The following ADAMTS7 variants were observed in gnomAD, a reference collection of about 807,000 sequenced individuals.
The protein encoded by ADAMTS7 is ADAM metallopeptidase with thrombospondin type 1 motif 7, also known as A disintegrin and metalloproteinase with thrombospondin motifs 7.
ADAMTS7 carries 89 observed loss-of-function variants against 172.6 expected under a neutral mutation model. The ratio of observed to expected loss-of-function variants is 0.52; its 90% CI spans 0.43 to 0.61. ADAMTS7 has a LOEUF of 0.61. ADAMTS7 is among the 20% of genes least tolerant of loss of function. The pLI is 0.00. For synonymous variants in ADAMTS7, 885 were observed against 978.4 expected (o/e 0.90, Z 1.78); for missense variants, 1,973 against 2,355.6 (o/e 0.84, Z 3.36).
intron 8 of ADAMTS7, among the ~76,000 whole-genome samples, chr15:78,787,358 A>AC (rs1471141148): frequency 9.3e-4 from 141 of 151,174 alleles, no homozygotes; most frequent in African/African-American, 3.2e-3. Context: ...AAAAAAAAAA[A>AC]ACAAAAAAAC....
In ADAMTS7 at chr15:78,766,092, C is replaced by T. The variant is rs2055141865; in HGVS notation, c.3819G>A (p.Glu1273=). 3 of 1,610,808 alleles carry T rather than the reference C, an allele frequency of 1.9e-6. No homozygotes were observed. Among genetic ancestry groups the T allele is most frequent in the Non-Finnish European group, 2.5e-6 (3 of 1,180,008 alleles). The change falls in exon 19 of 24, where the codon GAG becomes GAA. Residue 1273 remains glutamate, a synonymous_variant. Transcript: ENST00000388820. ...CACTGTCCACAGGCCCCAGGCCACC[C>T]TCCAGAGCTGGCTCCCAGGCCACTG... ...GGTVAWEPAL[E]GGLGPVDSEL...
At chr15:78,763,558 A>T in intron 22 of ADAMTS7, 141 bp downstream of exon 22, 1 of 1,165,414 alleles carries the variant, frequency 8.6e-7, no homozygotes, top group Non-Finnish European at 1.1e-6. Context: ...TGTGAGCACC[A>T]GCCGGGCGGG....
At chr15:78,788,182 C>T (rs780551271) in intron 8 of ADAMTS7, 49 bp downstream of exon 8, 5 of 1,607,268 alleles carry the variant, frequency 3.1e-6, no homozygotes, top group Non-Finnish European at 3.4e-6. Context: ...TCCCAGTAGA[C>T]CTTGACCTCA....
intron 4 of ADAMTS7, among the ~76,000 whole-genome samples, chr15:78,792,189 C>A (rs1262993153): frequency 6.6e-6 from 1 of 152,162 alleles, no homozygotes; most frequent in Non-Finnish European, 1.5e-5. Flanking sequence ...GGAAGATAAA[C>A]AGCGATATCA....
intron 1 of ADAMTS7, among the ~76,000 whole-genome samples, chr15:78,807,242 T>C (rs2055809368): frequency 6.6e-6 from 1 of 152,128 alleles, no homozygotes. Flanking sequence ...CTCAAATGCA[T>C]GTGGTTGGGG....
chr15:78,783,604 A>AT (rs1398169445), intron 8 of ADAMTS7, among the ~76,000 whole-genome samples: 1 of 152,168 alleles, frequency 6.6e-6, no homozygotes, highest in African/African-American at 2.4e-5. Context: ...TGAAACAAAT[A>AT]TTTTTTTAAA....
At chr15:78,768,385 G>A in intron 16 of ADAMTS7, 126 bp from the exon 17 acceptor site, 1 of 1,376,884 alleles carries the variant, frequency 7.3e-7, no homozygotes, top group Non-Finnish European at 1.0e-6. Context: ...ATGCCTTACT[G>A]CCCATGTCAG....
At position 78,766,659 on chromosome 15, in the gene ADAMTS7, G is replaced by A. The variant is rs78079545; in HGVS notation, c.3252C>T (p.Pro1084=). ...EDLSYGPSEE[P]DLDLAGTGDR... is the part of the protein sequence containing the mutation. ...CCCCTGTCCCCGCCAGGTCTAGATC[G>A]GGCTCCTCAGAGGGCCCGTAGGACA... The change falls in exon 19 of 24, where the codon CCC becomes CCT. Residue 1084 remains proline, a synonymous_variant. Coordinates refer to ENST00000388820, the MANE Select transcript of ADAMTS7 (RefSeq NM_014272.5). 5,095 of 1,606,568 alleles carry A rather than the reference G, an allele frequency of 3.2e-3. 13 individuals are homozygous for A. Among genetic ancestry groups the A allele is most frequent in the East Asian group, 4.6e-3 (208 of 44,836 alleles).
chr15:78,810,814 A>G, intron 1 of ADAMTS7: 1 of 265,672 alleles, frequency 3.8e-6, no homozygotes, highest in Non-Finnish European at 7.1e-6. Context: ...CCCGGGAGCC[A>G]GGCGCGTTGC....
rs11854507 is a variant in ADAMTS7, at chr15:78,776,779, A to C, written c.1530T>G (p.Ala510=). 1.9e-6 allele frequency: 3 copies of C among 1,549,516 alleles called. No individual in the cohort carries two copies. In the Admixed American group the frequency reaches 5.9e-5, roughly 30 times the overall value. The part of the protein sequence containing the change: ...GTTCHSKLDA[A]VDGTRCGENK... ...TCTCCCCACACCGGGTGCCGTCCAC[A>C]GCTGCATCCAGCTTGGAGTGACAGG... The change falls in exon 10 of 24, where the codon GCT becomes GCG. Residue 510 remains alanine, a synonymous_variant. Coordinates refer to ENST00000388820, the MANE Select transcript of ADAMTS7 (RefSeq NM_014272.5).
chr15:78,788,870 A>G (rs568897430), intron 7 of ADAMTS7, among the ~76,000 whole-genome samples: 4 of 152,326 alleles, frequency 2.6e-5, no homozygotes, highest in African/African-American at 9.6e-5. Flanking sequence ...AGCATCTACT[A>G]TGTGCCAGGG....
chr15:78,767,356 G>A (rs749937218), intron 18 of ADAMTS7, 23 bp downstream of exon 18: 2 of 1,610,204 alleles, frequency 1.2e-6, no homozygotes, highest in Non-Finnish European at 1.7e-6. Context: ...CTGGAGGCGG[G>A]CCCCTTCCCA....
chr15:78,809,325 T>A (rs961684021), intron 1 of ADAMTS7, among the ~76,000 whole-genome samples: 1 of 151,920 alleles, frequency 6.6e-6, no homozygotes, highest in Non-Finnish European at 1.5e-5. Flanking sequence ...TCAAAGAAAA[T>A]GACAAACAGG....
chr15:78,800,219 C>T lies in ADAMTS7; in HGVS notation c.429G>A (p.Leu143=). ...EVQDPELEGG[L]AAISACDGLK... is the part of the protein sequence containing the mutation. ...GGCCGTCGCAGGCGCTGATGGCCGC[C>T]AGGCCACCCTCGAGCTCAGGGTCCT... The change falls in exon 2 of 24, where the codon CTG becomes CTA. Residue 143 remains leucine (L), a synonymous_variant. Transcript: ENST00000388820. The T allele has an allele frequency of 6.3e-7, 1 of 1,594,580 alleles. No individual in the cohort carries two copies. Among genetic ancestry groups the T allele is most frequent in the Non-Finnish European group, 8.5e-7 (1 of 1,178,726 alleles).
rs151312535 is a variant in ADAMTS7 at position 78,765,681 on chromosome 15, G to A, written c.4230C>T (p.Val1410=). Reference sequence around the variant, plus strand: ...TTCCCGCTTGCCAGCCGGCGTTCCTGACAACCAACGGGTCCGCGGGGGGCC... The same window carrying A: ...TTCCCGCTTGCCAGCCGGCGTTCCTAACAACCAACGGGTCCGCGGGGGGCC... ...EAGPPADPLV[V]RNAGWQAGNW... The change falls in exon 19 of 24, where the codon GTC becomes GTT. Residue 1410 remains valine (V), a synonymous_variant. Coordinates refer to ENST00000388820, the MANE Select transcript of ADAMTS7 (RefSeq NM_014272.5). 1.2e-4 allele frequency: 191 copies of A among 1,610,572 alleles called. 3 individuals are homozygous for A. The African/African-American group carries it at 1.5e-3, about 13-fold the overall frequency.
chr15:78,787,502 A>C (rs1298392762), intron 8 of ADAMTS7, among the ~76,000 whole-genome samples: 1 of 152,110 alleles, frequency 6.6e-6, no homozygotes. Flanking sequence ...CGTCTCTACT[A>C]AAAATACAAA....
At chr15:78,763,884 C>G (rs2055092128) in intron 21 of ADAMTS7, 39 bp from the exon 22 acceptor site, 5 of 1,568,760 alleles carry the variant, frequency 3.2e-6, no homozygotes, top group Non-Finnish European at 4.3e-6. Context: ...CAGCCAGGGT[C>G]TGAGGGCGTC....
chr15:78,768,926 G>T (rs1484001139), intron 16 of ADAMTS7, among the ~76,000 whole-genome samples: 2 of 152,196 alleles, frequency 1.3e-5, no homozygotes, highest in Non-Finnish European at 2.9e-5. Context: ...CCCGGGGCTG[G>T]CTTGGGTGAT....
chr15:78,773,038 T>C (rs7177201), intron 14 of ADAMTS7, 45 bp downstream of exon 14: 895,871 of 1,354,898 alleles, frequency 0.66, 337,448 homozygotes, highest in Non-Finnish European at 0.72. Flanking sequence ...GAAGGGGCCA[T>C]CAGGTGAAGA....
Sources: gnomAD v4.1 joint callset for allele counts (sites outside exome capture counted in the v4.1 genomes callset) on GRCh38, gnomAD v4.1.1 for gene constraint, MANE v1.5 for transcripts, NCBI Gene and HGNC (gene_info 2026-07-23, HGNC 2026-07-21) for gene names.